The following DISC1 variants were observed in gnomAD, a reference collection of about 807,000 sequenced individuals.
The protein encoded by DISC1 is disrupted in schizophrenia 1 protein.
In DISC1, 57 loss-of-function variants were observed where a neutral mutation model predicts 84.5. The observed-to-expected ratio is 0.67, with a 90% confidence interval of 0.55 to 0.84. The LOEUF (loss-of-function observed/expected upper bound fraction) is 0.84, where lower values mean the gene tolerates loss of function less well. DISC1 is among the 40% of genes least tolerant of loss of function. The pLI is 0.00. For missense variants in DISC1, 1,000 were observed against 1,057.8 expected (o/e 0.95, Z 0.76); for synonymous variants, 411 against 415.2 (o/e 0.99, Z 0.12).
At chr1:231,767,444 GA>G (rs2076250377) in intron 5 of DISC1, among the ~76,000 whole-genome samples, 175 bp downstream of exon 5, 1 of 152,148 alleles carries the variant, frequency 6.6e-6, no homozygotes, top group Non-Finnish European at 1.5e-5. Flanking sequence ...CTACAGGTGT[GA>G]ACCCCATGCC....
intron 9 of DISC1, chr1:231,866,471 G>A (rs1229244369): frequency 1.3e-6 from 1 of 777,000 alleles, no homozygotes; most frequent in African/African-American, 1.7e-5. Flanking sequence ...CTTATTACAA[G>A]GCTCCAGGCA....
chr1:231,897,138 A>G lies in DISC1; in HGVS notation c.1982-61690A>G, dbSNP rs1229094230. 1.3e-5 allele frequency among the ~76,000 whole-genome samples: 2 copies of G among 152,206 alleles called. No individual in the cohort carries two copies. Among genetic ancestry groups the G allele is most frequent in the African/African-American group, 4.8e-5 (2 of 41,452 alleles). On this transcript the variant is annotated intron_variant, in intron 9 of 12. Coordinates refer to ENST00000439617, the MANE Select transcript of DISC1 (RefSeq NM_018662.3). This position sits in a 1 kb window ranked among gnomAD's most constrained non-coding sequence, Gnocchi z 4.5. Reference sequence around the variant, plus strand: ...ATGGTAAGACTTCAGAAAGGAAGTGACATTGGAGGTACATCTTGAAGGATG... The same window carrying G: ...ATGGTAAGACTTCAGAAAGGAAGTGGCATTGGAGGTACATCTTGAAGGATG...
chr1:231,745,288 C>T (rs1385271019), intron 3 of DISC1: 1 of 152,530 alleles, frequency 6.6e-6, no homozygotes, highest in African/African-American at 2.4e-5. Context: ...GTGGCAAGAT[C>T]TCGGCTCACT....
intron 9 of DISC1, among the ~76,000 whole-genome samples, chr1:231,913,185 GT>G (rs1181645310): frequency 1.3e-5 from 2 of 152,130 alleles, no homozygotes; most frequent in Non-Finnish European, 1.5e-5. Context: ...AAAGCATCTT[GT>G]TTTTACTCGC....
intron 3 of DISC1, among the ~76,000 whole-genome samples, chr1:231,714,877 A>G (rs2068472183): frequency 6.6e-6 from 1 of 152,216 alleles, no homozygotes; most frequent in African/African-American, 2.4e-5. Context: ...GATTCATTTG[A>G]AACAAGTCAT....
chr1:231,999,484 T>C (rs545724523), intron 10 of DISC1, among the ~76,000 whole-genome samples: 47 of 152,026 alleles, frequency 3.1e-4, no homozygotes, highest in Non-Finnish European at 5.3e-4. Flanking sequence ...GAGCTCTCCT[T>C]CCCTCCTGGC....
chr1:231,987,903 C>T (rs1558811117), intron 10 of DISC1, among the ~76,000 whole-genome samples: 1 of 152,122 alleles, frequency 6.6e-6, no homozygotes, highest in Non-Finnish European at 1.5e-5. Context: ...AGAACCTCAA[C>T]TTGGGCCTGG....
chr1:231,732,845 G>T (rs1190645702), intron 3 of DISC1, among the ~76,000 whole-genome samples: 2 of 152,214 alleles, frequency 1.3e-5, no homozygotes, highest in Non-Finnish European at 2.9e-5. Context: ...TAGCGGAGGT[G>T]ATAGTAGCAG....
chr1:231,714,832 A>G (rs772658404), intron 3 of DISC1, among the ~76,000 whole-genome samples: 23 of 152,158 alleles, frequency 1.5e-4, no homozygotes, highest in Non-Finnish European at 2.9e-4. Flanking sequence ...TTATGAATCT[A>G]TCTTAAGAAA....
Position 231,762,257 on chromosome 1 carries a change from ATTTTC to A in DISC1, c.1269-4879_1269-4875del, listed in dbSNP as rs1441765208. 3.6e-3 allele frequency among the ~76,000 whole-genome samples: 71 copies of A among 19,650 alleles called. 1 individual carries two copies. Among genetic ancestry groups the A allele is most frequent in the African/African-American group, 0.016 (66 of 4,200 alleles). 12.9% of individuals were successfully genotyped at this position (19,650 alleles called of 152,430 possible). A position where few individuals can be genotyped will look rare whatever the true frequency, so the allele number is the denominator to read the frequency against. ...TCTTTTCTTTTCTTTTCTTTTCTTT[ATTTTC>A]TTTCCTTTCCTTTCCTTTTCTTTTC... On this transcript the variant is annotated intron_variant, in intron 4 of 12. Coordinates refer to ENST00000439617, the MANE Select transcript of DISC1 (RefSeq NM_018662.3).
intron 9 of DISC1, among the ~76,000 whole-genome samples, chr1:231,955,370 A>C (rs1181206087): frequency 2.0e-5 from 3 of 152,070 alleles, no homozygotes; most frequent in African/African-American, 7.2e-5. Context: ...AACAAATCCA[A>C]AGCCAAATTC....
chr1:231,879,029 G>A (rs2086088727), intron 9 of DISC1, among the ~76,000 whole-genome samples: 1 of 151,908 alleles, frequency 6.6e-6, no homozygotes, highest in Admixed American at 6.6e-5. Context: ...CTGGCTGTTT[G>A]GAACAGTACT....
intron 3 of DISC1, among the ~76,000 whole-genome samples, chr1:231,732,135 GTTGT>G (rs1198968679): frequency 6.6e-6 from 1 of 152,206 alleles, no homozygotes; most frequent in African/African-American, 2.4e-5. Flanking sequence ...ACTCTCCAAG[GTTGT>G]ATTGACTTGA....
chr1:231,805,739 A>G lies in DISC1; in HGVS notation c.1792+5529A>G, dbSNP rs139723210. Among the ~76,000 whole-genome samples, 887 of 152,302 alleles carry G rather than the reference A, an allele frequency of 5.8e-3. 3 individuals are homozygous for G. Among genetic ancestry groups the G allele is most frequent in the South Asian group, 0.018 (88 of 4,830 alleles). On this transcript the variant is annotated intron_variant, in intron 8 of 12. Coordinates refer to ENST00000439617, the MANE Select transcript of DISC1 (RefSeq NM_018662.3). ...TCACCTTCCACCGGGCCCCACCTCC[A>G]GCACTGAGGATTACATTGCAACATG...
intron 1 of DISC1, among the ~76,000 whole-genome samples, chr1:231,657,402 C>T (rs995897532): frequency 6.6e-6 from 1 of 152,070 alleles, no homozygotes; most frequent in African/African-American, 2.4e-5. Context: ...AGCGTTTTGT[C>T]ATGTTTGTTG....
chr1:231,856,940 G>T (rs907429038), intron 9 of DISC1, among the ~76,000 whole-genome samples: 2 of 152,196 alleles, frequency 1.3e-5, no homozygotes, highest in African/African-American at 4.8e-5. Flanking sequence ...GCAATCCTGC[G>T]GCGGCAGCAT....
chr1:232,015,781 C>T (rs556694074), intron 11 of DISC1, among the ~76,000 whole-genome samples: 3 of 152,242 alleles, frequency 2.0e-5, no homozygotes, highest in South Asian at 4.2e-4. Context: ...TTCAGTGAAT[C>T]GTTTAATGCC....
chr1:231,734,143 C>G (rs1346432310), intron 3 of DISC1, among the ~76,000 whole-genome samples: 1 of 152,072 alleles, frequency 6.6e-6, no homozygotes, highest in Non-Finnish European at 1.5e-5. Flanking sequence ...GAGTCTGAAC[C>G]ATAAGCTTGG....
At chr1:231,731,061 G>T (rs1362044137) in intron 3 of DISC1, among the ~76,000 whole-genome samples, 2 of 152,062 alleles carry the variant, frequency 1.3e-5, no homozygotes, top group African/African-American at 4.8e-5. Context: ...ATGGGAAAAT[G>T]GAAGTTCTAG....
Sources: gnomAD v4.1 joint callset for allele counts (sites outside exome capture counted in the v4.1 genomes callset) on GRCh38, gnomAD v4.1.1 for gene constraint, Gnocchi (gnomAD v3.1) non-coding constraint, MANE v1.5 for transcripts, NCBI Gene and HGNC (gene_info 2026-07-23, HGNC 2026-07-21) for gene names.